Variants in PELI2 observed in about 807,000 individuals in gnomAD.
The protein encoded by PELI2 is pellino E3 ubiquitin protein ligase family member 2.
A neutral mutation model predicts 42.3 loss-of-function variants in PELI2; 23 were observed. That is an observed-to-expected ratio of 0.54 (90% CI 0.39 to 0.77). PELI2 has a LOEUF of 0.77. Ranked by LOEUF, PELI2 falls within the 30% of genes least tolerant of loss-of-function variation. PELI2 has a pLI of 0.00. For synonymous variants in PELI2, 245 were observed against 212.2 expected (o/e 1.15, Z -1.34); for missense variants, 463 against 553.2 (o/e 0.84, Z 1.64).
chr14:56,184,826 C>T (rs951460676), intron 2 of PELI2, among the ~76,000 whole-genome samples: 1 of 151,932 alleles, frequency 6.6e-6, no homozygotes, highest in Non-Finnish European at 1.5e-5. Context: ...AATTTGGTTT[C>T]GTATATCAAT....
intron 2 of PELI2, among the ~76,000 whole-genome samples, chr14:56,243,653 A>G (rs1437366618): frequency 6.6e-6 from 1 of 152,182 alleles, no homozygotes; most frequent in African/African-American, 2.4e-5. Context: ...TTGGGTCATT[A>G]TTATTGTGTT....
chr14:56,131,304 T>G (rs940005839), intron 1 of PELI2, among the ~76,000 whole-genome samples: 1 of 152,242 alleles, frequency 6.6e-6, no homozygotes, highest in African/African-American at 2.4e-5. Flanking sequence ...CTGGCATAGC[T>G]TTACACTGTA....
At chr14:56,272,245 A>C (rs1889133004) in intron 2 of PELI2, among the ~76,000 whole-genome samples, 1 of 152,226 alleles carries the variant, frequency 6.6e-6, no homozygotes, top group Non-Finnish European at 1.5e-5. Flanking sequence ...TAAACTCCTG[A>C]GTCATTTGGT....
In PELI2 at chr14:56,216,848, T is replaced by C. The variant is rs115156188; in HGVS notation, c.207+38384T>C. Among the ~76,000 whole-genome samples the C allele has an allele frequency of 3.3e-3, 508 of 152,348 alleles. 1 individual carries two copies. Among genetic ancestry groups the C allele is most frequent in the African/African-American group, 0.012 (488 of 41,578 alleles). Reference sequence around the variant, plus strand: ...GCTGTGTGCCACGAGCTGTTGACAGTTACTGCTTCTCTTGAGGCTGATTAG... The same window carrying C: ...GCTGTGTGCCACGAGCTGTTGACAGCTACTGCTTCTCTTGAGGCTGATTAG... On this transcript the variant is annotated intron_variant, in intron 2 of 5. Coordinates refer to ENST00000267460, the MANE Select transcript of PELI2 (RefSeq NM_021255.3).
At chr14:56,250,346 G>T (rs1317581995) in intron 2 of PELI2, among the ~76,000 whole-genome samples, 2 of 152,150 alleles carry the variant, frequency 1.3e-5, no homozygotes, top group Non-Finnish European at 2.9e-5. Flanking sequence ...TCTCTAATGG[G>T]ACAGAACTAA....
chr14:56,137,459 C>G (rs1206418437), intron 1 of PELI2, among the ~76,000 whole-genome samples: 1 of 152,182 alleles, frequency 6.6e-6, no homozygotes, highest in African/African-American at 2.4e-5. Flanking sequence ...TTTCCAGGTT[C>G]CCTTGACGGT....
chr14:56,296,578 A>G, intron 5 of PELI2, 22 bp from the exon 6 acceptor site: 5 of 1,519,858 alleles, frequency 3.3e-6, no homozygotes, highest in Non-Finnish European at 4.5e-6. Flanking sequence ...TTTAAAAGGC[A>G]TGTGTCTCAA....
chr14:56,127,080 G>T (rs1353465235), intron 1 of PELI2, among the ~76,000 whole-genome samples: 3 of 152,100 alleles, frequency 2.0e-5, no homozygotes, highest in Non-Finnish European at 4.4e-5. Context: ...GCTAACAAAA[G>T]CATTTTTGGA....
rs1462109508 is a variant in PELI2, at chr14:56,290,342, T to C, written c.582T>C (p.His194=). Residue 194 remains histidine, a synonymous_variant, in exon 5 of 6, where the codon CAT becomes CAC. Coordinates refer to ENST00000267460, the MANE Select transcript of PELI2 (RefSeq NM_021255.3). The part of the protein sequence containing the change: ...GLTTNGVLVM[H]PRGGFTEESQ... ...CTACTAATGGCGTCCTGGTGATGCA[T>C]CCACGAGGGGGCTTCACCGAGGAGT... The C allele has an allele frequency of 6.2e-7, 1 of 1,613,376 alleles. No individual in the cohort carries two copies. Among genetic ancestry groups the C allele is most frequent in the African/African-American group, 1.3e-5 (1 of 74,880 alleles).
At chr14:56,267,075 A>G (rs1472631605) in intron 2 of PELI2, among the ~76,000 whole-genome samples, 2 of 152,102 alleles carry the variant, frequency 1.3e-5, no homozygotes, top group African/African-American at 4.8e-5. Context: ...TCTTAGTGAT[A>G]GAAGATTGGA....
At chr14:56,152,825 C>T (rs757551775) in intron 1 of PELI2, among the ~76,000 whole-genome samples, 1 of 152,174 alleles carries the variant, frequency 6.6e-6, no homozygotes, top group East Asian at 1.9e-4. Context: ...TTTTCACATA[C>T]TGAAATTCAT....
chr14:56,189,345 T>C (rs1272248588), intron 2 of PELI2, among the ~76,000 whole-genome samples: 1 of 152,184 alleles, frequency 6.6e-6, no homozygotes, highest in Admixed American at 6.5e-5. Flanking sequence ...CTGATGGAGG[T>C]TCCATCTTGA....
intron 1 of PELI2, among the ~76,000 whole-genome samples, chr14:56,145,274 A>G (rs138926613): frequency 1.3e-5 from 2 of 152,250 alleles, no homozygotes; most frequent in East Asian, 1.9e-4. Flanking sequence ...ATCATGAAAC[A>G]GTGCTGGGGG....
At chr14:56,233,743 A>C (rs529653219) in intron 2 of PELI2, among the ~76,000 whole-genome samples, 1 of 152,262 alleles carries the variant, frequency 6.6e-6, no homozygotes, top group African/African-American at 2.4e-5. Flanking sequence ...ACAAAAGGCA[A>C]AATTGACAAA....
intron 1 of PELI2, among the ~76,000 whole-genome samples, chr14:56,120,224 A>G (rs920061437): frequency 7.2e-5 from 11 of 152,220 alleles, no homozygotes; most frequent in African/African-American, 2.7e-4. Context: ...GTCTTATGTA[A>G]CTTCAGCCCA....
intron 2 of PELI2, among the ~76,000 whole-genome samples, chr14:56,240,079 A>T (rs552634688): frequency 8.3e-4 from 127 of 152,314 alleles, no homozygotes; most frequent in African/African-American, 3.0e-3. Context: ...TATTTGGGCC[A>T]GATCATGAAG....
At chr14:56,150,069 T>C (rs1884285104) in intron 1 of PELI2, among the ~76,000 whole-genome samples, 2 of 152,230 alleles carry the variant, frequency 1.3e-5, no homozygotes, top group African/African-American at 2.4e-5. Context: ...ACTTTAGTTA[T>C]GCTTGCTACC....
Position 56,297,860 on chromosome 14 carries a change from G to A in PELI2, c.*694G>A, listed in dbSNP as rs900583932. On this transcript the variant is annotated 3_prime_UTR_variant, in exon 6 of 6. Transcript: ENST00000267460. ...ACAAACAATTTTCCATAACTTTTTA[G>A]CCTGTCTTTTGTTATTTCTGCCTAA... The A allele has an allele frequency of 2.7e-4, 41 of 150,720 alleles. No homozygotes were observed. Among genetic ancestry groups the A allele is most frequent in the Admixed American group, 2.5e-3 (38 of 15,130 alleles). The allele number at this position is 150,720 out of a possible 1,614,324, so 9.3% of individuals were successfully genotyped here. A position where few individuals can be genotyped will look rare whatever the true frequency, so the allele number is the denominator to read the frequency against.
At chr14:56,253,122 G>A (rs1888402831) in intron 2 of PELI2, among the ~76,000 whole-genome samples, 1 of 152,162 alleles carries the variant, frequency 6.6e-6, no homozygotes, top group Non-Finnish European at 1.5e-5. Context: ...CTCCGTAGAT[G>A]CAGAAAAGGC....
Sources: allele counts gnomAD v4.1 joint callset (sites outside exome capture counted in the v4.1 genomes callset), GRCh38; gene constraint gnomAD v4.1.1; transcripts MANE v1.5; gene names NCBI Gene and HGNC (gene_info 2026-07-23, HGNC 2026-07-21).